EDA: variants seen among roughly 807,000 people sequenced by gnomAD.
The protein encoded by EDA is ectodysplasin A, also known as ectodysplasin-A.
A neutral mutation model predicts 23.6 loss-of-function variants in EDA; 2 were observed. The ratio of observed to expected loss-of-function variants is 0.08; its 90% CI spans 0.03 to 0.27. The LOEUF (loss-of-function observed/expected upper bound fraction) is 0.27, where lower values mean the gene tolerates loss of function less well. Among genes scored for constraint, EDA ranks in the 10% least tolerant of loss-of-function variants. EDA has a pLI of 1.00. For synonymous variants in EDA, 131 were observed against 132.0 expected (o/e 0.99, Z 0.05); for missense variants, 229 against 324.2 (o/e 0.71, Z 2.26).
intron 1 of EDA, among the ~76,000 whole-genome samples, chrX:69,747,208 C>T (rs1279996799): frequency 8.9e-6 from 1 of 111,856 alleles, no homozygotes; most frequent in Non-Finnish European, 1.9e-5. Context: ...AAAGGATACT[C>T]ATGATAGGAT....
intron 1 of EDA, among the ~76,000 whole-genome samples, chrX:69,695,251 T>G (rs1306443422): frequency 9.5e-6 from 1 of 105,551 alleles, no homozygotes; most frequent in Non-Finnish European, 1.9e-5. Flanking sequence ...ACTTGGGAGG[T>G]GGAGGTAGCA....
chrX:69,955,873 T>C (rs1005923244), intron 1 of EDA, among the ~76,000 whole-genome samples: 4 of 112,144 alleles, frequency 3.6e-5, no homozygotes, highest in African/African-American at 1.3e-4. Flanking sequence ...CCGTGTTTAC[T>C]GTTTACCTCA....
chrX:69,783,862 A>G (rs1170499329), intron 1 of EDA, among the ~76,000 whole-genome samples: 10 of 103,547 alleles, frequency 9.7e-5, no homozygotes, highest in Admixed American at 2.1e-4. Flanking sequence ...CTGAGGAATC[A>G]CCACACTGAC....
chrX:69,770,632 T>C (rs1268540441), intron 1 of EDA, among the ~76,000 whole-genome samples: 1 of 111,690 alleles, frequency 9.0e-6, no homozygotes, highest in African/African-American at 3.3e-5. Context: ...ACTAGTCCTC[T>C]TGGATGTGGG....
intron 1 of EDA, among the ~76,000 whole-genome samples, chrX:69,894,220 A>G (rs1429874031): frequency 9.1e-6 from 1 of 110,335 alleles, no homozygotes; most frequent in African/African-American, 3.3e-5. Context: ...GTTGTAGGGG[A>G]CGGCTTTATT....
At chrX:69,705,397 A>G (rs1200307269) in intron 1 of EDA, among the ~76,000 whole-genome samples, 1 of 111,597 alleles carries the variant, frequency 9.0e-6, no homozygotes. Context: ...CATCGCAACC[A>G]GACAAACCTT....
chrX:69,991,296 T>A (rs1196182737), intron 2 of EDA, among the ~76,000 whole-genome samples: 1 of 111,762 alleles, frequency 8.9e-6, no homozygotes, highest in Non-Finnish European at 1.9e-5. Flanking sequence ...TTACATCTTC[T>A]ATTTAAGCAC....
At chrX:69,711,778 C>T (rs190447103) in intron 1 of EDA, among the ~76,000 whole-genome samples, 2,357 of 111,517 alleles carry the variant, frequency 0.021, 40 homozygotes, top group African/African-American at 0.055. Context: ...AGTTTATTTG[C>T]GTAGAGGTGT....
At chrX:69,777,144 T>TGTTGTTG (rs2014809399) in intron 1 of EDA, among the ~76,000 whole-genome samples, 67 of 106,837 alleles carry the variant, frequency 6.3e-4, no homozygotes, top group South Asian at 1.2e-3. Flanking sequence ...GATTCTGGGT[T>TGTTGTTG]TTGTTGTTGT....
intron 1 of EDA, among the ~76,000 whole-genome samples, chrX:69,764,625 CTG>C (rs1305512511): frequency 9.0e-6 from 1 of 111,270 alleles, no homozygotes; most frequent in Admixed American, 9.6e-5. Flanking sequence ...ACAAGGAAAA[CTG>C]TTGTTTTTCT....
At chrX:69,869,327 C>A (rs1282920641) in intron 1 of EDA, among the ~76,000 whole-genome samples, 1 of 111,230 alleles carries the variant, frequency 9.0e-6, no homozygotes, top group African/African-American at 3.3e-5. Context: ...CGTTTTGGGT[C>A]CCCTGGAATC....
chrX:69,676,010 G>T (rs1017354108), intron 1 of EDA, among the ~76,000 whole-genome samples: 1 of 111,079 alleles, frequency 9.0e-6, no homozygotes, highest in Admixed American at 9.7e-5. Flanking sequence ...TCAGATGGGG[G>T]AGAACATGAG....
chrX:69,725,284 A>G (rs1445385324), intron 1 of EDA, among the ~76,000 whole-genome samples: 4 of 111,802 alleles, frequency 3.6e-5, no homozygotes, highest in African/African-American at 9.7e-5. Flanking sequence ...TCTAGCTCCA[A>G]CAGTACCAAA....
intron 1 of EDA, among the ~76,000 whole-genome samples, chrX:69,754,076 G>A (rs144350244): frequency 1.1e-3 from 127 of 111,430 alleles, no homozygotes; most frequent in African/African-American, 4.1e-3. Flanking sequence ...TACATCTAAG[G>A]TTAATATTGT....
intron 1 of EDA, among the ~76,000 whole-genome samples, chrX:69,745,845 A>T (rs1190047434): frequency 9.0e-6 from 1 of 110,994 alleles, no homozygotes; most frequent in Non-Finnish European, 1.9e-5. Flanking sequence ...AATACTAGCC[A>T]GGTGTGGTAG....
At chrX:69,679,573 A>T (rs1381841921) in intron 1 of EDA, among the ~76,000 whole-genome samples, 2 of 111,639 alleles carry the variant, frequency 1.8e-5, no homozygotes, top group Non-Finnish European at 1.9e-5. Flanking sequence ...AGAGGAATTT[A>T]TCCATTTCTT....
chrX:69,920,095 C>T (rs1027232428), intron 1 of EDA, among the ~76,000 whole-genome samples: 2 of 111,009 alleles, frequency 1.8e-5, no homozygotes, highest in Non-Finnish European at 3.8e-5. Flanking sequence ...TCTAGAAATA[C>T]CATTTTTTCC....
At chrX:69,668,672 G>A (rs1405761120) in intron 1 of EDA, among the ~76,000 whole-genome samples, 1 of 111,044 alleles carries the variant, frequency 9.0e-6, no homozygotes. Flanking sequence ...CACCTCCCAG[G>A]TTTAAATGAT....
chrX:69,684,779 G>T (rs1160592766), intron 1 of EDA, among the ~76,000 whole-genome samples: 1 of 112,426 alleles, frequency 8.9e-6, no homozygotes, highest in South Asian at 3.7e-4. Flanking sequence ...AATGCTGTAT[G>T]CTCAATCATG....
Sources: gnomAD v4.1 joint callset for allele counts (sites outside exome capture counted in the v4.1 genomes callset) on GRCh38, gnomAD v4.1.1 for gene constraint, MANE v1.5 for transcripts, NCBI Gene and HGNC (gene_info 2026-07-23, HGNC 2026-07-21) for gene names.